S100A8: variants seen among roughly 807,000 people sequenced by gnomAD.
The protein encoded by S100A8 is S100 calcium binding protein A8.
In S100A8, 1 loss-of-function variant was observed where a neutral mutation model predicts 4.2. That is an observed-to-expected ratio of 0.24 (90% CI 0.08 to 1.12). The LOEUF is 1.12. Among genes scored for constraint, S100A8 ranks in the 50% most tolerant of loss-of-function variants. S100A8 has a pLI of 0.53. For missense variants in S100A8, 96 were observed against 111.8 expected (o/e 0.86, Z 0.64); for synonymous variants, 41 against 44.7 (o/e 0.92, Z 0.33).
the S100A8 span, among the ~76,000 whole-genome samples, chr1:153,402,686 A>C: frequency 6.6e-6 from 1 of 152,206 alleles, no homozygotes; most frequent in Admixed American, 6.5e-5. Context: ...TGTAAAGCTG[A>C]TAGTTCTCCC....
chr1:153,415,430 A>G, the S100A8 span, among the ~76,000 whole-genome samples: 1 of 152,138 alleles, frequency 6.6e-6, no homozygotes, highest in South Asian at 2.1e-4. Context: ...TACAAGGAAC[A>G]TTGTAAGGGG....
intron 1 of S100A8, 147 bp downstream of exon 1, chr1:153,390,894 C>G (rs997870399): frequency 6.0e-6 from 3 of 503,190 alleles, no homozygotes; most frequent in Non-Finnish European, 8.0e-6. Context: ...CCTTCCTTAT[C>G]CCTGCCTCAC....
chr1:153,403,477 C>T, the S100A8 span, among the ~76,000 whole-genome samples: 34 of 152,106 alleles, frequency 2.2e-4, no homozygotes, highest in Admixed American at 1.9e-3. Flanking sequence ...TACCTCCTGT[C>T]GAAATCTGAC....
At chr1:153,411,125 G>A in the S100A8 span, among the ~76,000 whole-genome samples, 1 of 152,142 alleles carries the variant, frequency 6.6e-6, no homozygotes, top group East Asian at 1.9e-4. Context: ...GGAAGTTCTG[G>A]CCAGGGCAAT....
chr1:153,390,381 C>T lies in S100A8; in HGVS notation c.141+14G>A. ...CCAGGCAGAGAGCCCCCGCCACACC[C>T]AGCCCCTCCTCACCCTGATATACTG... On this transcript the variant is annotated intron_variant, in intron 2 of 2. Coordinates refer to ENST00000368733, the MANE Select transcript of S100A8 (RefSeq NM_002964.5). 6.2e-7 allele frequency: 1 copy of T among 1,613,788 alleles called. No individual in the cohort carries two copies. The highest frequency in any genetic ancestry group is 8.5e-7 in the Non-Finnish European group (1 of 1,179,716).
At chr1:153,396,046 TC>T (rs1367732957), upstream of S100A8, among the ~76,000 whole-genome samples, 2 of 152,190 alleles carry the variant, frequency 1.3e-5, no homozygotes, top group Admixed American at 6.5e-5. Context: ...CCTCGCTATC[TC>T]CCCAAGAGAG....
At chr1:153,419,867 T>C in the S100A8 span, 1 of 153,802 alleles carries the variant, frequency 6.5e-6, no homozygotes, top group African/African-American at 2.4e-5. Context: ...GAGGATGGGC[T>C]TCCTTGTCCT....
At chr1:153,417,481 C>T in the S100A8 span, among the ~76,000 whole-genome samples, 6 of 152,150 alleles carry the variant, frequency 3.9e-5, no homozygotes, top group Non-Finnish European at 8.8e-5. Flanking sequence ...CCCCTGTCCT[C>T]GGGAGAGGGC....
At chr1:153,418,328 A>C in the S100A8 span, 2 of 1,486,442 alleles carry the variant, frequency 1.3e-6, no homozygotes, top group Non-Finnish European at 1.8e-6. Flanking sequence ...CTGATTAAAA[A>C]GTTTCCCATT....
chr1:153,391,162 C>T (rs956300200), upstream of S100A8: 44 of 985,398 alleles, frequency 4.5e-5, no homozygotes, highest in Non-Finnish European at 4.7e-5. Context: ...TTCTCCCTGC[C>T]AGAGTTGCTA....
chr1:153,416,578 C>T, the S100A8 span: 17 of 478,766 alleles, frequency 3.6e-5, no homozygotes, highest in Non-Finnish European at 6.7e-5. Flanking sequence ...GTCTCACCTG[C>T]CTCTTTGCAT....
the S100A8 span, among the ~76,000 whole-genome samples, chr1:153,406,107 C>T: frequency 0.14 from 21,857 of 151,986 alleles, 1,817 homozygotes; most frequent in African/African-American, 0.23. Flanking sequence ...TGAAAGGATG[C>T]CCCTACAAAG....
the S100A8 span, among the ~76,000 whole-genome samples, chr1:153,403,365 T>G: frequency 6.6e-6 from 1 of 152,224 alleles, no homozygotes; most frequent in Non-Finnish European, 1.5e-5. Context: ...TGAATTGGCT[T>G]GGCGGGCTTG....
the S100A8 span, among the ~76,000 whole-genome samples, chr1:153,411,510 G>A: frequency 8.5e-4 from 130 of 152,320 alleles, no homozygotes; most frequent in Middle Eastern, 3.4e-3. Flanking sequence ...AACATTCCAT[G>A]CTCATGGATA....
the S100A8 span, among the ~76,000 whole-genome samples, chr1:153,402,495 G>A: frequency 1.3e-5 from 2 of 152,188 alleles, no homozygotes; most frequent in African/African-American, 4.8e-5. Context: ...CTGACAGAGG[G>A]GCAGAAAGAA....
the S100A8 span, among the ~76,000 whole-genome samples, chr1:153,406,246 T>C: frequency 6.6e-6 from 1 of 152,186 alleles, no homozygotes; most frequent in Non-Finnish European, 1.5e-5. Flanking sequence ...TTCTCTGCAC[T>C]GGAGGCTGGG....
At chr1:153,422,383 A>C in the S100A8 span, 2 of 402,844 alleles carry the variant, frequency 5.0e-6, no homozygotes, top group Non-Finnish European at 6.7e-6. Flanking sequence ...TTAGTGTCAT[A>C]TTGATCAGAA....
chr1:153,409,954 A>G, the S100A8 span, among the ~76,000 whole-genome samples: 1 of 152,234 alleles, frequency 6.6e-6, no homozygotes, highest in South Asian at 2.1e-4. Flanking sequence ...ACAACATACC[A>G]GAATCTCTGG....
At chr1:153,411,325 A>G in the S100A8 span, among the ~76,000 whole-genome samples, 597 of 152,362 alleles carry the variant, frequency 3.9e-3, 4 homozygotes, top group African/African-American at 0.013. Flanking sequence ...AAGCATTCTT[A>G]TACAACAATA....
Sources: allele counts gnomAD v4.1 joint callset (sites outside exome capture counted in the v4.1 genomes callset), GRCh38; gene constraint gnomAD v4.1.1; transcripts MANE v1.5; gene names NCBI Gene and HGNC (gene_info 2026-07-23, HGNC 2026-07-21).